FMN2: variants seen among roughly 807,000 people sequenced by gnomAD.
The protein encoded by FMN2 is formin-2.
Under a neutral mutation model 142.3 loss-of-function variants are expected in FMN2, and 51 were observed. That is an observed-to-expected ratio of 0.36 (90% CI 0.29 to 0.45). The LOEUF (loss-of-function observed/expected upper bound fraction) is 0.45. Ranked by LOEUF, FMN2 falls within the 20% of genes least tolerant of loss-of-function variation. The pLI, the probability that FMN2 is intolerant of heterozygous loss-of-function variation, is 1.00. For missense variants in FMN2, 1,936 were observed against 2,122.8 expected (o/e 0.91, Z 1.73); for synonymous variants, 882 against 869.8 (o/e 1.01, Z -0.25).
intron 7 of FMN2, among the ~76,000 whole-genome samples, chr1:240,282,581 G>A (rs958875680): frequency 7.2e-5 from 11 of 152,132 alleles, no homozygotes; most frequent in South Asian, 2.1e-4. Flanking sequence ...ACTCACGAGC[G>A]TGTGTGCAGG....
intron 16 of FMN2, among the ~76,000 whole-genome samples, chr1:240,463,277 G>A (rs996495342): frequency 1.3e-5 from 2 of 152,128 alleles, no homozygotes; most frequent in African/African-American, 4.8e-5. Context: ...AGATTTTAAC[G>A]TCATTACTGA....
At chr1:240,102,338 CTG>C (rs1661444878) in intron 1 of FMN2, among the ~76,000 whole-genome samples, 2 of 152,126 alleles carry the variant, frequency 1.3e-5, no homozygotes, top group African/African-American at 4.8e-5. Flanking sequence ...TTTGAATACT[CTG>C]TGGAGAGTTT....
chr1:240,187,811 G>A (rs2103347103), intron 3 of FMN2, among the ~76,000 whole-genome samples: 1 of 152,224 alleles, frequency 6.6e-6, no homozygotes, highest in Middle Eastern at 3.4e-3. Context: ...AGTTAGATGA[G>A]GCTTTTGAGC....
chr1:240,395,562 A>G (rs1406397176), intron 15 of FMN2, among the ~76,000 whole-genome samples: 1 of 152,190 alleles, frequency 6.6e-6, no homozygotes, highest in Non-Finnish European at 1.5e-5. Flanking sequence ...CGTTAACAGG[A>G]GTTTGGAAGA....
chr1:240,224,143 T>C (rs1386496337), intron 6 of FMN2, among the ~76,000 whole-genome samples: 1 of 152,190 alleles, frequency 6.6e-6, no homozygotes, highest in African/African-American at 2.4e-5. Context: ...TCCCTCTTAA[T>C]TACTGCTTTA....
chr1:240,381,693 G>C (rs897459918), intron 14 of FMN2, among the ~76,000 whole-genome samples: 2 of 152,194 alleles, frequency 1.3e-5, no homozygotes, highest in Admixed American at 6.5e-5. Flanking sequence ...GTCTCCCAAA[G>C]TGTTGGGATT....
Position 240,091,960 on chromosome 1 carries a change from A to C in FMN2, c.-150A>C. ...AGCGGCGGCAGATGCGAGCGGGGCCAGCCGGGCGCGCGTCGGCCTCCCCTC... is the reference window on the plus strand; with the variant it reads ...AGCGGCGGCAGATGCGAGCGGGGCCCGCCGGGCGCGCGTCGGCCTCCCCTC... On this transcript the variant is annotated 5_prime_UTR_variant, in exon 1 of 18. Coordinates refer to ENST00000319653, the MANE Select transcript of FMN2 (RefSeq NM_020066.5). 1 of 1,299,472 alleles carries C rather than the reference A, an allele frequency of 7.7e-7. No individual in the cohort carries two copies. The highest frequency in any genetic ancestry group is 9.9e-7 in the Non-Finnish European group (1 of 1,005,266). 80.5% of individuals were successfully genotyped at this position (1,299,472 alleles called of 1,614,324 possible).
At chr1:240,184,156 C>G (rs1558343884) in intron 3 of FMN2, among the ~76,000 whole-genome samples, 1 of 147,076 alleles carries the variant, frequency 6.8e-6, no homozygotes, top group Non-Finnish European at 1.5e-5. Flanking sequence ...AGTCCTGAAA[C>G]ATTTGGAGTC....
chr1:240,253,121 T>G (rs1000459580), intron 6 of FMN2, among the ~76,000 whole-genome samples: 31 of 151,324 alleles, frequency 2.0e-4, no homozygotes, highest in Middle Eastern at 3.2e-3. Flanking sequence ...CCCAGCTAAT[T>G]TTTGTATTTT....
chr1:240,105,806 A>G lies in FMN2; in HGVS notation c.1615+12082A>G, dbSNP rs569565680. 4.6e-5 allele frequency among the ~76,000 whole-genome samples: 7 copies of G among 152,288 alleles called. No individual in the cohort carries two copies. In the South Asian group the frequency reaches 8.3e-4, roughly 18 times the overall value. On this transcript the variant is annotated intron_variant, in intron 1 of 17. Transcript: ENST00000319653. ...TGAACGTTATTTAAATGTAAAGTTT[A>G]TTTAGTAAAATCTATAGCTTACAGT... is the stretch of plus-strand genomic sequence containing the variant.
Position 240,356,164 on chromosome 1 carries a change from A to G in FMN2, c.4858+256A>G, listed in dbSNP as rs568433012. Among the ~76,000 whole-genome samples the G allele has an allele frequency of 3.5e-4, 53 of 152,128 alleles. 1 individual carries two copies. The highest frequency in any genetic ancestry group is 5.7e-4 in the Non-Finnish European group (39 of 68,018). ...TGTTTGTTTGCTTGCATGACAGTAT[A>G]TACACTAGATATTAGTTAAAATAGC... is the stretch of plus-strand genomic sequence containing the variant. On this transcript the variant is annotated intron_variant, in intron 14 of 17. Coordinates refer to ENST00000319653, the MANE Select transcript of FMN2 (RefSeq NM_020066.5).
chr1:240,309,124 C>A (rs1670511104), intron 8 of FMN2, among the ~76,000 whole-genome samples: 1 of 152,162 alleles, frequency 6.6e-6, no homozygotes, highest in African/African-American at 2.4e-5. Context: ...GAATGATTAA[C>A]CTATGATGGA....
chr1:240,325,415 TAA>T (rs200903745), intron 8 of FMN2, among the ~76,000 whole-genome samples: 2 of 151,572 alleles, frequency 1.3e-5, no homozygotes, highest in Non-Finnish European at 2.9e-5. Flanking sequence ...TAACATAGGT[TAA>T]AAAAAGAGTG....
At position 240,369,773 on chromosome 1, in the gene FMN2, G is replaced by A. The variant is rs146043498; in HGVS notation, c.4858+13865G>A. 7.2e-4 allele frequency among the ~76,000 whole-genome samples: 110 copies of A among 152,210 alleles called. 1 individual carries two copies. In the East Asian group the frequency reaches 0.017, roughly 23 times the overall value. On this transcript the variant is annotated intron_variant, in intron 14 of 17. Transcript: ENST00000319653. ...TAAATTTTCCCTCAGGATCTTTTAT[G>A]TTTTTCTGTTTCTCCATATGTTTGT... is the stretch of plus-strand genomic sequence containing the variant.
intron 5 of FMN2, among the ~76,000 whole-genome samples, chr1:240,209,828 C>A (rs928879558): frequency 4.0e-5 from 6 of 151,744 alleles, no homozygotes; most frequent in Middle Eastern, 3.4e-3. Context: ...GGCATGAACC[C>A]GGGAGGCGGA....
At chr1:240,155,235 G>C (rs753957796) in intron 2 of FMN2, among the ~76,000 whole-genome samples, 16 of 152,060 alleles carry the variant, frequency 1.1e-4, no homozygotes, top group Non-Finnish European at 1.5e-4. Context: ...ATAGTGGAGA[G>C]CTAGCTACCA....
At chr1:240,316,282 G>A (rs1670777033) in intron 8 of FMN2, among the ~76,000 whole-genome samples, 1 of 152,230 alleles carries the variant, frequency 6.6e-6, no homozygotes, top group Admixed American at 6.5e-5. Flanking sequence ...GATGTTCATA[G>A]AGAGGCAGTA....
At chr1:240,136,837 C>T (rs1003747694) in intron 2 of FMN2, among the ~76,000 whole-genome samples, 4 of 152,000 alleles carry the variant, frequency 2.6e-5, no homozygotes, top group Admixed American at 2.0e-4. Context: ...CTTTGGGAGG[C>T]CAAGGTGGGC....
chr1:240,144,083 T>C (rs1376023995), intron 2 of FMN2: 1 of 1,090,050 alleles, frequency 9.2e-7, no homozygotes, highest in Non-Finnish European at 1.4e-6. Flanking sequence ...GGAGTACAGG[T>C]TACTTCTCAA....
Sources: gnomAD v4.1 joint callset for allele counts (sites outside exome capture counted in the v4.1 genomes callset) on GRCh38, gnomAD v4.1.1 for gene constraint, MANE v1.5 for transcripts, NCBI Gene and HGNC (gene_info 2026-07-23, HGNC 2026-07-21) for gene names.